Variants in TBC1D22A observed in about 807,000 individuals in gnomAD.
TBC1D22A encodes TBC1 domain family member 22A.
In TBC1D22A, 38 loss-of-function variants were observed where a neutral mutation model predicts 60.2. The ratio of observed to expected loss-of-function variants is 0.63; its 90% CI spans 0.49 to 0.83. TBC1D22A has a LOEUF of 0.83. Ranked by LOEUF, TBC1D22A falls within the 40% of genes least tolerant of loss-of-function variation. The pLI, the probability that TBC1D22A is intolerant of heterozygous loss-of-function variation, is 0.00. For missense variants in TBC1D22A, 628 were observed against 701.0 expected (o/e 0.90, Z 1.18); for synonymous variants, 302 against 281.7 (o/e 1.07, Z -0.72).
chr22:46,827,474 T>G (rs1253480253), intron 4 of TBC1D22A, among the ~76,000 whole-genome samples: 1 of 152,230 alleles, frequency 6.6e-6, no homozygotes, highest in Non-Finnish European at 1.5e-5. Context: ...CAGAGCCCCT[T>G]CGGAATCTGC....
intron 9 of TBC1D22A, among the ~76,000 whole-genome samples, chr22:46,976,190 G>A (rs193012660): frequency 1.3e-5 from 2 of 152,300 alleles, no homozygotes; most frequent in Admixed American, 1.3e-4. Flanking sequence ...AAAATCTGCT[G>A]TACAATGAAA....
intron 11 of TBC1D22A, among the ~76,000 whole-genome samples, chr22:47,072,975 G>A (rs1012388166): frequency 6.6e-6 from 1 of 152,204 alleles, no homozygotes; most frequent in Non-Finnish European, 1.5e-5. Context: ...TTTGGTTCTG[G>A]GGTCAGATTT....
At chr22:46,879,569 C>T (rs760447418) in intron 5 of TBC1D22A, among the ~76,000 whole-genome samples, 2 of 152,210 alleles carry the variant, frequency 1.3e-5, no homozygotes, top group African/African-American at 4.8e-5. Context: ...AATGCAGACG[C>T]AGCTCTGAAC....
chr22:46,992,943 G>A (rs1386354055), intron 9 of TBC1D22A, among the ~76,000 whole-genome samples: 6 of 152,302 alleles, frequency 3.9e-5, no homozygotes, highest in Middle Eastern at 3.4e-3. Flanking sequence ...GTCAAGGCCT[G>A]GGCGTGGAAG....
chr22:46,972,214 C>T (rs188217094), intron 8 of TBC1D22A, among the ~76,000 whole-genome samples: 33 of 152,316 alleles, frequency 2.2e-4, no homozygotes, highest in African/African-American at 7.0e-4. Context: ...TGGGTGACTC[C>T]GACACCTAAC....
At chr22:46,970,207 GAGCC>G (rs2073991879) in intron 8 of TBC1D22A, among the ~76,000 whole-genome samples, 2 of 152,098 alleles carry the variant, frequency 1.3e-5, no homozygotes, top group Non-Finnish European at 2.9e-5. Context: ...CGGGGCCTGA[GAGCC>G]GCCCCCTGCC....
intron 11 of TBC1D22A, among the ~76,000 whole-genome samples, chr22:47,040,000 A>G (rs1392071626): frequency 7.6e-6 from 1 of 130,934 alleles, no homozygotes; most frequent in Non-Finnish European, 1.5e-5. Context: ...GCTGGAGTGC[A>G]GTGGTGCGAT....
At chr22:47,126,677 A>G (rs1262921958) in intron 12 of TBC1D22A, among the ~76,000 whole-genome samples, 1 of 152,212 alleles carries the variant, frequency 6.6e-6, no homozygotes, top group Non-Finnish European at 1.5e-5. Flanking sequence ...TGGAGGCCTC[A>G]AGGACTGGCA....
intron 8 of TBC1D22A, among the ~76,000 whole-genome samples, chr22:46,939,707 A>G (rs963294661): frequency 6.6e-6 from 1 of 152,248 alleles, no homozygotes; most frequent in Admixed American, 6.5e-5. Context: ...CAAAATTATC[A>G]AAGAGACTAT....
chr22:47,140,874 A>G (rs1327543389), intron 12 of TBC1D22A, among the ~76,000 whole-genome samples: 2 of 152,218 alleles, frequency 1.3e-5, no homozygotes, highest in African/African-American at 4.8e-5. Context: ...TCGGCAGCAC[A>G]CAGCCTTGGG....
chr22:46,905,686 A>G (rs1008905398), intron 7 of TBC1D22A, among the ~76,000 whole-genome samples: 2 of 152,178 alleles, frequency 1.3e-5, no homozygotes, highest in African/African-American at 2.4e-5. Flanking sequence ...AGTTGGGGCC[A>G]AGGGAGCCTC....
intron 4 of TBC1D22A, among the ~76,000 whole-genome samples, chr22:46,806,010 A>C (rs1601940351): frequency 6.6e-6 from 1 of 150,630 alleles, no homozygotes; most frequent in African/African-American, 2.4e-5. Flanking sequence ...CCACCACCAC[A>C]CCCGGCTAAG....
At chr22:47,031,521 C>T (rs1394918236) in intron 10 of TBC1D22A, among the ~76,000 whole-genome samples, 5 of 152,362 alleles carry the variant, frequency 3.3e-5, no homozygotes, top group Admixed American at 2.6e-4. Context: ...ACCGGGTGCT[C>T]TTGCAGATGT....
intron 8 of TBC1D22A, among the ~76,000 whole-genome samples, chr22:46,970,072 G>A (rs1456719435): frequency 1.3e-5 from 2 of 151,772 alleles, no homozygotes; most frequent in East Asian, 1.9e-4. Context: ...ATCTCCCCTC[G>A]CCCTCCCCAC....
chr22:46,853,487 C>G (rs549509531), intron 4 of TBC1D22A, among the ~76,000 whole-genome samples: 1 of 152,040 alleles, frequency 6.6e-6, no homozygotes, highest in Non-Finnish European at 1.5e-5. Context: ...TTGACTCTTT[C>G]GGGGGCTTCC....
intron 4 of TBC1D22A, among the ~76,000 whole-genome samples, chr22:46,867,128 A>G (rs2067092732): frequency 6.6e-6 from 1 of 152,250 alleles, no homozygotes; most frequent in Non-Finnish European, 1.5e-5. Context: ...TAATTCAGCT[A>G]CGTGACCAAG....
At chr22:46,942,026 T>TATATAA (rs1555960666) in intron 8 of TBC1D22A, among the ~76,000 whole-genome samples, 2 of 137,396 alleles carry the variant, frequency 1.5e-5, no homozygotes, top group African/African-American at 5.4e-5. Flanking sequence ...TATATATATA[T>TATATAA]TATATATATA....
chr22:46,787,008 T>TTA (rs1475973193), intron 1 of TBC1D22A, among the ~76,000 whole-genome samples: 1 of 152,212 alleles, frequency 6.6e-6, no homozygotes, highest in Non-Finnish European at 1.5e-5. Context: ...TCTTTCCATG[T>TTA]TATGTATCTA....
chr22:46,940,932 C>T lies in TBC1D22A; in HGVS notation c.1015+28744C>T, dbSNP rs139400033. Among the ~76,000 whole-genome samples, 454 of 144,834 alleles carry T rather than the reference C, an allele frequency of 3.1e-3. 5 individuals are homozygous for T. Among genetic ancestry groups the T allele is most frequent in the African/African-American group, 0.011 (430 of 38,894 alleles). On this transcript the variant is annotated intron_variant, in intron 8 of 12. Coordinates refer to ENST00000337137, the MANE Select transcript of TBC1D22A (RefSeq NM_014346.5). ...ACACATGTATATGTATATACACAGT[C>T]CACCCTTGAACAGCATGGGGACTGA...
Sources: gnomAD v4.1 joint callset for allele counts (sites outside exome capture counted in the v4.1 genomes callset) on GRCh38, gnomAD v4.1.1 for gene constraint, MANE v1.5 for transcripts, NCBI Gene and HGNC (gene_info 2026-07-23, HGNC 2026-07-21) for gene names.